VRK1: variants seen among roughly 807,000 people sequenced by gnomAD.
VRK1 encodes the protein VRK serine/threonine kinase 1, also known as serine/threonine-protein kinase VRK1.
VRK1 carries 33 observed loss-of-function variants against 57.1 expected under a neutral mutation model. The ratio of observed to expected loss-of-function variants is 0.58; its 90% confidence interval spans 0.44 to 0.77. The LOEUF is 0.77. VRK1 is among the 30% of genes least tolerant of loss of function. The pLI, the probability that VRK1 is intolerant of heterozygous loss-of-function variation, is 0.00. For synonymous variants in VRK1, 137 were observed against 147.8 expected (o/e 0.93, Z 0.53); for missense variants, 413 against 477.3 (o/e 0.87, Z 1.25).
chr14:96,877,794 T>C, intron 12 of VRK1: 1 of 537,578 alleles, frequency 1.9e-6, no homozygotes, highest in Non-Finnish European at 2.4e-6. Flanking sequence ...TGAACTTTGC[T>C]TAATGAGCAT....
intron 6 of VRK1, 44 bp from the exon 7 acceptor site, chr14:96,853,030 G>T (rs762320519): frequency 1.2e-6 from 2 of 1,607,334 alleles, no homozygotes; most frequent in Admixed American, 1.7e-5. Context: ...CTGCTGGCTG[G>T]TGTTAGGTAC....
chr14:96,799,886 GTC>G lies in VRK1; in HGVS notation c.-6+2441_-6+2442del, dbSNP rs541194750. Among the ~76,000 whole-genome samples, 27 of 151,608 alleles carry G rather than the reference GTC, an allele frequency of 1.8e-4. 1 individual carries two copies. The highest frequency in any genetic ancestry group is 1.4e-3 in the Admixed American group (21 of 15,230). On this transcript the variant is annotated intron_variant, in intron 1 of 12. Coordinates refer to ENST00000216639, the MANE Select transcript of VRK1 (RefSeq NM_003384.3). ...TACAAGGAATTGTGCTAGGTGCAAA[GTC>G]TATTGCTATTGTAGTGTTTTGCTGA...
intron 5 of VRK1, 86 bp downstream of exon 5, chr14:96,847,430 A>G: frequency 1.9e-6 from 2 of 1,069,722 alleles, no homozygotes; most frequent in Non-Finnish European, 1.4e-6. Flanking sequence ...TTTACTGATC[A>G]CTTACAATAT....
intron 3 of VRK1, among the ~76,000 whole-genome samples, chr14:96,839,092 T>G (rs541164577): frequency 6.6e-6 from 1 of 151,692 alleles, no homozygotes; most frequent in East Asian, 1.9e-4. Flanking sequence ...GAGTTTTTTT[T>G]TTTTTTTTTT....
chr14:96,860,343 G>A (rs1375600553), intron 10 of VRK1, among the ~76,000 whole-genome samples: 1 of 151,908 alleles, frequency 6.6e-6, no homozygotes, highest in Admixed American at 6.6e-5. Context: ...CAAAAAGTGT[G>A]TTTTACATTG....
At chr14:96,874,229 C>T (rs576280853) in intron 11 of VRK1, among the ~76,000 whole-genome samples, 3 of 152,290 alleles carry the variant, frequency 2.0e-5, no homozygotes, top group African/African-American at 7.2e-5. Context: ...TGTGTTTATT[C>T]TTGCCTAATG....
At chr14:96,806,645 C>T (rs1283547706) in intron 1 of VRK1, among the ~76,000 whole-genome samples, 1 of 152,172 alleles carries the variant, frequency 6.6e-6, no homozygotes, top group Non-Finnish European at 1.5e-5. Flanking sequence ...GTTGAATTAA[C>T]TGCAAACTGT....
chr14:96,828,899 G>GGCCA (rs890378943), intron 1 of VRK1, among the ~76,000 whole-genome samples: 2 of 152,140 alleles, frequency 1.3e-5, no homozygotes, highest in African/African-American at 4.8e-5. Flanking sequence ...AGATTATAGG[G>GGCCA]GCCAGCAAGA....
chr14:96,798,104 A>G (rs750198676), intron 1 of VRK1, among the ~76,000 whole-genome samples: 1 of 152,072 alleles, frequency 6.6e-6, no homozygotes, highest in Non-Finnish European at 1.5e-5. Context: ...CATCGCGGGG[A>G]GGCCCCGTGA....
chr14:96,825,241 G>C (rs1886756476), intron 1 of VRK1, among the ~76,000 whole-genome samples: 1 of 152,128 alleles, frequency 6.6e-6, no homozygotes, highest in African/African-American at 2.4e-5. Context: ...ATTCCCATCT[G>C]AAGTTTCTGT....
intron 1 of VRK1, among the ~76,000 whole-genome samples, chr14:96,809,687 C>T (rs1388422072): frequency 6.6e-6 from 1 of 151,698 alleles, no homozygotes. Context: ...ATTCTCCTGC[C>T]TCAGTCTCAC....
intron 1 of VRK1, among the ~76,000 whole-genome samples, chr14:96,810,989 G>A (rs1000561220): frequency 6.6e-6 from 1 of 151,752 alleles, no homozygotes; most frequent in Non-Finnish European, 1.5e-5. Context: ...TAGTGCAGTG[G>A]CGCTATCTCG....
chr14:96,871,445 G>A (rs1232372984), intron 11 of VRK1, among the ~76,000 whole-genome samples: 1 of 152,182 alleles, frequency 6.6e-6, no homozygotes, highest in Non-Finnish European at 1.5e-5. Context: ...GAATTTCCAT[G>A]TTAGTGGGAT....
At chr14:96,821,534 T>G (rs953006578) in intron 1 of VRK1, among the ~76,000 whole-genome samples, 3 of 152,190 alleles carry the variant, frequency 2.0e-5, no homozygotes, top group South Asian at 2.1e-4. Context: ...CTAAAAAACA[T>G]TGACATTCTT....
intron 5 of VRK1, among the ~76,000 whole-genome samples, chr14:96,852,208 G>T (rs893986426): frequency 2.6e-5 from 4 of 152,204 alleles, no homozygotes; most frequent in Non-Finnish European, 5.9e-5. Context: ...GGCCCAGGAA[G>T]TAATGTGACT....
chr14:96,839,566 T>C (rs569210905), intron 3 of VRK1, among the ~76,000 whole-genome samples: 4 of 152,314 alleles, frequency 2.6e-5, no homozygotes, highest in East Asian at 1.9e-4. Context: ...ATGTGACTTA[T>C]AGTTTCAGTT....
chr14:96,877,875 G>GT (rs1423854304), intron 12 of VRK1, among the ~76,000 whole-genome samples: 1 of 151,966 alleles, frequency 6.6e-6, no homozygotes, highest in African/African-American at 2.4e-5. Context: ...TTTAACCTAA[G>GT]TTTTTAGTTT....
chr14:96,874,170 A>G (rs1254332994), intron 11 of VRK1, among the ~76,000 whole-genome samples: 1 of 152,230 alleles, frequency 6.6e-6, no homozygotes, highest in African/African-American at 2.4e-5. Context: ...AAAGCAATAT[A>G]GTACTGAAAT....
At chr14:96,880,246 C>T (rs1040100871) in intron 12 of VRK1, among the ~76,000 whole-genome samples, 2 of 152,164 alleles carry the variant, frequency 1.3e-5, no homozygotes, top group African/African-American at 4.8e-5. Flanking sequence ...TTTAGATACA[C>T]ATGGTAGAAT....
Sources: allele counts gnomAD v4.1 joint callset (sites outside exome capture counted in the v4.1 genomes callset), GRCh38; gene constraint gnomAD v4.1.1; transcripts MANE v1.5; gene names NCBI Gene and HGNC (gene_info 2026-07-23, HGNC 2026-07-21).